The following SGCZ variants were observed in gnomAD, a reference collection of about 807,000 sequenced individuals.
SGCZ encodes the protein zeta-sarcoglycan.
Under a neutral mutation model 41.3 loss-of-function variants are expected in SGCZ, and 40 were observed. The observed-to-expected ratio is 0.97, with a 90% CI of 0.75 to 1.26. SGCZ has a LOEUF of 1.26. SGCZ is among the 50% of genes most tolerant of loss of function. The pLI is 0.00. For missense variants in SGCZ, 552 were observed against 369.8 expected (o/e 1.49, Z -4.04); for synonymous variants, 206 against 137.5 (o/e 1.50, Z -3.49).
At chr8:14,328,619 C>G (rs983401507) in intron 2 of SGCZ, among the ~76,000 whole-genome samples, 2 of 152,092 alleles carry the variant, frequency 1.3e-5, no homozygotes, top group African/African-American at 4.8e-5. Context: ...CTTATAAAAA[C>G]TCATGTTATT....
At chr8:14,445,786 T>C (rs563003679) in intron 2 of SGCZ, among the ~76,000 whole-genome samples, 253 of 152,262 alleles carry the variant, frequency 1.7e-3, no homozygotes, top group Non-Finnish European at 3.1e-3. Context: ...CTGCAGACAG[T>C]GGAGTTAGGA....
chr8:14,979,719 G>T (rs893706656), intron 1 of SGCZ, among the ~76,000 whole-genome samples: 2 of 152,110 alleles, frequency 1.3e-5, no homozygotes, highest in Admixed American at 6.5e-5. Flanking sequence ...CACTAAAAAA[G>T]TTCTTCATTT....
intron 1 of SGCZ, among the ~76,000 whole-genome samples, chr8:15,201,833 A>G (rs1800901266): frequency 6.6e-6 from 1 of 152,194 alleles, no homozygotes; most frequent in African/African-American, 2.4e-5. Flanking sequence ...TCATTTATCT[A>G]CCCTGACATC....
At chr8:14,830,537 TTA>T (rs1203390338) in intron 1 of SGCZ, among the ~76,000 whole-genome samples, 1 of 152,204 alleles carries the variant, frequency 6.6e-6, no homozygotes, top group Non-Finnish European at 1.5e-5. Flanking sequence ...AATTGTAACT[TTA>T]TATGTTTTTA....
At chr8:14,355,280 T>C (rs531266466) in intron 2 of SGCZ, among the ~76,000 whole-genome samples, 2 of 152,242 alleles carry the variant, frequency 1.3e-5, no homozygotes, top group South Asian at 2.1e-4. Flanking sequence ...TTTTTATTTG[T>C]ATTTAAAAAC....
At chr8:14,331,505 T>C (rs1802321460) in intron 2 of SGCZ, among the ~76,000 whole-genome samples, 1 of 152,160 alleles carries the variant, frequency 6.6e-6, no homozygotes, top group Non-Finnish European at 1.5e-5. Flanking sequence ...TTGTATTTTA[T>C]TTTCATTTTA....
At chr8:14,838,166 G>C (rs1238529451) in intron 1 of SGCZ, among the ~76,000 whole-genome samples, 1 of 152,128 alleles carries the variant, frequency 6.6e-6, no homozygotes, top group South Asian at 2.1e-4. Context: ...AGCTAGGAAG[G>C]GTAGTGGGAA....
intron 2 of SGCZ, among the ~76,000 whole-genome samples, chr8:14,469,886 TC>T (rs1801165551): frequency 1.3e-5 from 2 of 152,132 alleles, no homozygotes; most frequent in African/African-American, 4.8e-5. Flanking sequence ...ATATATCTTG[TC>T]CTGTGAATTT....
intron 1 of SGCZ, among the ~76,000 whole-genome samples, chr8:15,147,424 A>G (rs1799065361): frequency 1.3e-5 from 2 of 152,116 alleles, no homozygotes; most frequent in South Asian, 2.1e-4. Context: ...GATTACAGGC[A>G]TGCACCACCA....
At chr8:14,583,016 A>T (rs528606446) in intron 1 of SGCZ, among the ~76,000 whole-genome samples, 1 of 151,470 alleles carries the variant, frequency 6.6e-6, no homozygotes. Flanking sequence ...TCCTTTGGGT[A>T]TATACCCAGT....
intron 1 of SGCZ, among the ~76,000 whole-genome samples, chr8:14,831,584 G>A (rs925647186): frequency 1.5e-4 from 22 of 149,726 alleles, no homozygotes; most frequent in African/African-American, 5.0e-4. Flanking sequence ...TCCTAAACAT[G>A]TCTACAAGTG....
At chr8:15,202,008 GC>G (rs1430816922) in intron 1 of SGCZ, among the ~76,000 whole-genome samples, 1 of 152,098 alleles carries the variant, frequency 6.6e-6, no homozygotes, top group Non-Finnish European at 1.5e-5. Flanking sequence ...AATTAGGGAT[GC>G]TTTTTCATCT....
intron 5 of SGCZ, among the ~76,000 whole-genome samples, chr8:14,122,243 C>T (rs1802720927): frequency 1.3e-5 from 2 of 152,130 alleles, no homozygotes; most frequent in Admixed American, 1.3e-4. Flanking sequence ...CGCCACTGCA[C>T]TCGGCAGCCT....
At chr8:15,085,999 T>C (rs1206925780) in intron 1 of SGCZ, among the ~76,000 whole-genome samples, 1 of 152,228 alleles carries the variant, frequency 6.6e-6, no homozygotes, top group Non-Finnish European at 1.5e-5. Flanking sequence ...GAACATACTT[T>C]CCGTGTTATT....
intron 1 of SGCZ, among the ~76,000 whole-genome samples, chr8:14,762,539 T>G (rs1211137640): frequency 6.6e-6 from 1 of 152,204 alleles, no homozygotes; most frequent in Non-Finnish European, 1.5e-5. Flanking sequence ...TAGGGAGGTT[T>G]ATTACACAAA....
chr8:14,588,326 A>T (rs1020403258), intron 1 of SGCZ, among the ~76,000 whole-genome samples: 1 of 152,120 alleles, frequency 6.6e-6, no homozygotes, highest in Non-Finnish European at 1.5e-5. Context: ...GAAAGTAATG[A>T]CCAGCACAAT....
At chr8:15,011,802 C>G (rs1176869257) in intron 1 of SGCZ, among the ~76,000 whole-genome samples, 1 of 152,132 alleles carries the variant, frequency 6.6e-6, no homozygotes, top group Non-Finnish European at 1.5e-5. Context: ...CTGCAAATAT[C>G]CATTGTACAT....
At chr8:14,318,564 G>A (rs1417624172) in intron 3 of SGCZ, among the ~76,000 whole-genome samples, 1 of 151,950 alleles carries the variant, frequency 6.6e-6, no homozygotes. Flanking sequence ...CATAGAGAGT[G>A]CTAGAAAAAG....
At chr8:14,382,707 C>G (rs777134788) in intron 2 of SGCZ, among the ~76,000 whole-genome samples, 7 of 152,162 alleles carry the variant, frequency 4.6e-5, no homozygotes, top group Non-Finnish European at 8.8e-5. Context: ...ATATGCCACA[C>G]TAGTGTGAAT....
Sources: gnomAD v4.1 joint callset for allele counts (sites outside exome capture counted in the v4.1 genomes callset) on GRCh38, gnomAD v4.1.1 for gene constraint, MANE v1.5 for transcripts, NCBI Gene and HGNC (gene_info 2026-07-23, HGNC 2026-07-21) for gene names.